OPCML: variants seen among roughly 807,000 people sequenced by gnomAD.
OPCML encodes the protein opioid binding protein/cell adhesion molecule like.
OPCML carries 13 observed loss-of-function variants against 37.8 expected under a neutral mutation model. The observed-to-expected ratio is 0.34, with a 90% confidence interval of 0.22 to 0.55. The LOEUF (loss-of-function observed/expected upper bound fraction) is 0.55, where lower values mean the gene tolerates loss of function less well. Among genes scored for constraint, OPCML ranks in the 20% least tolerant of loss-of-function variants. The pLI is 0.91. For synonymous variants in OPCML, 176 were observed against 168.8 expected (o/e 1.04, Z -0.33); for missense variants, 341 against 435.6 (o/e 0.78, Z 1.93).
chr11:132,681,515 G>T (rs191387223), intron 2 of OPCML, among the ~76,000 whole-genome samples: 1 of 152,090 alleles, frequency 6.6e-6, no homozygotes, highest in Non-Finnish European at 1.5e-5. Context: ...TGACCTTCCT[G>T]CTCCATCTCC....
chr11:132,860,115 G>A (rs373334736), intron 2 of OPCML: 4 of 152,204 alleles, frequency 2.6e-5, no homozygotes, highest in Admixed American at 6.5e-5. Context: ...TGAATTTCGT[G>A]TATGCAAAGC....
chr11:132,924,724 T>C (rs1944930208), intron 2 of OPCML, among the ~76,000 whole-genome samples: 1 of 152,240 alleles, frequency 6.6e-6, no homozygotes, highest in African/African-American at 2.4e-5. Context: ...TGCCTAAGCA[T>C]AGGCTGTTAT....
At chr11:133,392,368 A>C (rs1357306241) in intron 1 of OPCML, among the ~76,000 whole-genome samples, 1 of 152,206 alleles carries the variant, frequency 6.6e-6, no homozygotes, top group Non-Finnish European at 1.5e-5. Flanking sequence ...AACATGCCAA[A>C]AATCACAAAC....
At chr11:133,101,575 T>C (rs1949085513) in intron 1 of OPCML, among the ~76,000 whole-genome samples, 1 of 152,116 alleles carries the variant, frequency 6.6e-6, no homozygotes, top group African/African-American at 2.4e-5. Context: ...CAAATGTTGA[T>C]GAGGATGTGA....
At chr11:132,450,601 A>C (rs749170615) in intron 4 of OPCML, among the ~76,000 whole-genome samples, 2 of 151,908 alleles carry the variant, frequency 1.3e-5, no homozygotes, top group Non-Finnish European at 2.9e-5. Flanking sequence ...TTTCAATTAT[A>C]GAATATCGTA....
At chr11:133,385,552 C>T (rs1032330850) in intron 1 of OPCML, among the ~76,000 whole-genome samples, 3 of 152,102 alleles carry the variant, frequency 2.0e-5, no homozygotes, top group East Asian at 3.9e-4. Flanking sequence ...GTGGGGAGGA[C>T]GGGAACACTT....
intron 1 of OPCML, among the ~76,000 whole-genome samples, chr11:133,103,232 A>C (rs1949111442): frequency 6.6e-6 from 1 of 152,204 alleles, no homozygotes; most frequent in South Asian, 2.1e-4. Context: ...ATTCTATTTG[A>C]TCAACCTTTA....
intron 1 of OPCML, among the ~76,000 whole-genome samples, chr11:133,427,408 C>T (rs1026364234): frequency 5.3e-5 from 4 of 75,436 alleles, no homozygotes; most frequent in East Asian, 7.0e-4. Context: ...CTTTGCAGAG[C>T]GGGGCCGGGG....
chr11:133,254,076 A>G (rs1351104086), intron 1 of OPCML, among the ~76,000 whole-genome samples: 1 of 152,230 alleles, frequency 6.6e-6, no homozygotes, highest in East Asian at 1.9e-4. Context: ...CAATTCACTA[A>G]GATAAATGCA....
At chr11:133,370,291 T>C (rs193277220) in intron 1 of OPCML, among the ~76,000 whole-genome samples, 1 of 152,278 alleles carries the variant, frequency 6.6e-6, no homozygotes, top group African/African-American at 2.4e-5. Context: ...GAACATTGGC[T>C]TTAAAGCCCA....
intron 1 of OPCML, among the ~76,000 whole-genome samples, chr11:133,202,285 G>A (rs989857294): frequency 2.6e-5 from 4 of 152,214 alleles, no homozygotes; most frequent in Admixed American, 1.3e-4. Context: ...CCTGTCCGCC[G>A]AACCCATCCT....
chr11:132,952,564 A>G (rs1224375294), intron 1 of OPCML, among the ~76,000 whole-genome samples: 2 of 152,112 alleles, frequency 1.3e-5, no homozygotes, highest in Non-Finnish European at 2.9e-5. Flanking sequence ...TTAAATCCCA[A>G]CCTGCTTCTC....
intron 1 of OPCML, among the ~76,000 whole-genome samples, chr11:133,466,610 AG>A (rs1946983140): frequency 6.6e-6 from 1 of 152,238 alleles, no homozygotes; most frequent in Non-Finnish European, 1.5e-5. Context: ...CAAGCTAAAA[AG>A]TTTTAAACTC....
intron 1 of OPCML, among the ~76,000 whole-genome samples, chr11:133,362,799 A>G (rs1944452890): frequency 6.6e-6 from 1 of 151,650 alleles, no homozygotes; most frequent in Non-Finnish European, 1.5e-5. Context: ...TGGGAAATCA[A>G]CACTGTCCCA....
chr11:132,892,464 G>T (rs1044024923), intron 2 of OPCML, among the ~76,000 whole-genome samples: 1 of 152,130 alleles, frequency 6.6e-6, no homozygotes, highest in Non-Finnish European at 1.5e-5. Context: ...GCCCTTTCTC[G>T]CTTTCAAAAG....
intron 4 of OPCML, among the ~76,000 whole-genome samples, chr11:132,461,277 A>G (rs1448749563): frequency 6.6e-6 from 1 of 152,154 alleles, no homozygotes. Flanking sequence ...GCAACCAAGC[A>G]TATGGAGGAA....
chr11:133,371,873 A>G (rs985151050), intron 1 of OPCML, among the ~76,000 whole-genome samples: 3 of 152,220 alleles, frequency 2.0e-5, no homozygotes, highest in African/African-American at 7.2e-5. Context: ...ATTTGCAGCA[A>G]TGTGGATGGA....
intron 1 of OPCML, among the ~76,000 whole-genome samples, chr11:133,387,508 C>T (rs552483342): frequency 6.1e-4 from 93 of 152,334 alleles, no homozygotes; most frequent in African/African-American, 2.2e-3. Flanking sequence ...GCATCCCTTG[C>T]TACCAGAGTT....
chr11:133,305,772 T>C (rs1002523805), intron 1 of OPCML, among the ~76,000 whole-genome samples: 6 of 152,156 alleles, frequency 3.9e-5, no homozygotes, highest in Admixed American at 3.9e-4. Context: ...GCAGAAGTCT[T>C]TTTCTGTTGA....
Sources: gnomAD v4.1 joint callset for allele counts (sites outside exome capture counted in the v4.1 genomes callset) on GRCh38, gnomAD v4.1.1 for gene constraint, MANE v1.5 for transcripts, NCBI Gene and HGNC (gene_info 2026-07-23, HGNC 2026-07-21) for gene names.